NAV1: variants seen among roughly 807,000 people sequenced by gnomAD.
The protein encoded by NAV1 is neuron navigator 1.
A neutral mutation model predicts 175.2 loss-of-function variants in NAV1; 18 were observed. That is an observed-to-expected ratio of 0.10 (90% CI 0.07 to 0.15). The LOEUF (loss-of-function observed/expected upper bound fraction) is 0.15. NAV1 is among the 10% of genes least tolerant of loss of function. NAV1 has a pLI of 1.00. For missense variants in NAV1, 1,731 were observed against 2,436.6 expected (o/e 0.71, Z 6.10); for synonymous variants, 897 against 978.7 (o/e 0.92, Z 1.56).
intron 3 of NAV1, among the ~76,000 whole-genome samples, chr1:201,742,075 A>G (rs1021882239): frequency 6.6e-6 from 1 of 152,236 alleles, no homozygotes; most frequent in Non-Finnish European, 1.5e-5. Flanking sequence ...GTAGGCAAGG[A>G]GACAGGGGAT....
rs1247794778 is a variant in NAV1 at position 201,726,830 on chromosome 1, C to T, written c.1226+8075C>T. Among the ~76,000 whole-genome samples the T allele has an allele frequency of 2.0e-5, 3 of 152,292 alleles. No individual in the cohort carries two copies. In the East Asian group the frequency reaches 5.8e-4, roughly 29 times the overall value. On this transcript the variant is annotated intron_variant, in intron 3 of 29. Coordinates refer to ENST00000367296, the Ensembl canonical transcript of NAV1. ...TTAGGTTTCAAGGAATGCTTCACAA[C>T]ACGGTCTTGATATTCTTTTAATCCT...
chr1:201,675,048 A>AG (rs36052650), intron 1 of NAV1, among the ~76,000 whole-genome samples: 17 of 151,388 alleles, frequency 1.1e-4, no homozygotes, highest in Non-Finnish European at 2.2e-4. Context: ...AAAAAAAAAA[A>AG]GAACTCACTA....
chr1:201,629,183 C>G (rs1668417948), intron 1 of NAV1, among the ~76,000 whole-genome samples: 1 of 152,204 alleles, frequency 6.6e-6, no homozygotes, highest in Non-Finnish European at 1.5e-5. Context: ...TCCCAGTATC[C>G]TCTGGGGCTC....
chr1:201,817,135 G>A (rs1679089947), exon 29 of NAV1: 1 of 1,613,974 alleles, frequency 6.2e-7, no homozygotes, highest in African/African-American at 1.3e-5. Context: ...AATGGGTCCG[G>A]GACACACTTC....
chr1:201,669,897 T>A lies in NAV1; in HGVS notation c.757+20472T>A, dbSNP rs548225382. ...TGCACTGTGTTCCCTGAGCCCACAGTGAGGTTTCTGGTGACACCAGGATAA... is the reference window on the plus strand; with the variant it reads ...TGCACTGTGTTCCCTGAGCCCACAGAGAGGTTTCTGGTGACACCAGGATAA... On this transcript the variant is annotated intron_variant, in intron 1 of 29. Coordinates refer to ENST00000367296, the Ensembl canonical transcript of NAV1. 2.0e-5 allele frequency among the ~76,000 whole-genome samples: 3 copies of A among 151,896 alleles called. No homozygotes were observed. The East Asian group carries it at 5.8e-4, about 29-fold the overall frequency.
At chr1:201,743,363 C>CTGGGGAGTGGGA (rs1673557312) in intron 3 of NAV1, among the ~76,000 whole-genome samples, 1 of 152,216 alleles carries the variant, frequency 6.6e-6, no homozygotes, top group Non-Finnish European at 1.5e-5. Flanking sequence ...GCCACCCAAC[C>CTGGGGAGTGGGA]AGTGGGGAGT....
chr1:201,563,298 A>G (rs1433060818), intron 1 of NAV1, among the ~76,000 whole-genome samples: 1 of 151,898 alleles, frequency 6.6e-6, no homozygotes, highest in Non-Finnish European at 1.5e-5. Flanking sequence ...CCCAGCCTGG[A>G]TGGCAGAGGG....
chr1:201,591,275 C>T (rs964113087), intron 2 of NAV1, among the ~76,000 whole-genome samples: 5 of 152,178 alleles, frequency 3.3e-5, no homozygotes, highest in Admixed American at 3.3e-4. Flanking sequence ...GATGGGGTCA[C>T]CTGGGGGAGA....
intron 3 of NAV1, among the ~76,000 whole-genome samples, chr1:201,756,822 TTC>T (rs1553267191): frequency 1.2e-4 from 3 of 24,792 alleles, no homozygotes; most frequent in Non-Finnish European, 2.3e-4. Flanking sequence ...CTTTCTTTCT[TTC>T]TTTCTTTCTT....
intron 1 of NAV1, among the ~76,000 whole-genome samples, chr1:201,628,595 C>T (rs532222736): frequency 6.6e-6 from 1 of 152,168 alleles, no homozygotes; most frequent in Non-Finnish European, 1.5e-5. Flanking sequence ...ATTTCCCCTC[C>T]TGCCTGCACA....
At chr1:201,763,540 G>A (rs1674995280) in intron 3 of NAV1, among the ~76,000 whole-genome samples, 1 of 152,168 alleles carries the variant, frequency 6.6e-6, no homozygotes, top group Non-Finnish European at 1.5e-5. Flanking sequence ...CAGACAAAAA[G>A]GGAAATCTCT....
intron 1 of NAV1, among the ~76,000 whole-genome samples, chr1:201,561,777 C>T (rs1361069625): frequency 6.6e-6 from 1 of 152,178 alleles, no homozygotes; most frequent in East Asian, 1.9e-4. Flanking sequence ...CTGGGGCCTC[C>T]ATGAGATTAG....
chr1:201,578,612 T>C (rs564730), intron 1 of NAV1, among the ~76,000 whole-genome samples: 7,839 of 152,162 alleles, frequency 0.052, 487 homozygotes, highest in East Asian at 0.16. Context: ...GGATGGAACT[T>C]TGGGCTTGCT....
intron 1 of NAV1, among the ~76,000 whole-genome samples, chr1:201,549,289 C>G (rs1665774294): frequency 6.6e-6 from 1 of 151,902 alleles, no homozygotes; most frequent in Non-Finnish European, 1.5e-5. Flanking sequence ...CACATTGCAG[C>G]CTCAACCTCC....
chr1:201,571,558 G>A (rs916788073), intron 1 of NAV1, among the ~76,000 whole-genome samples: 3 of 152,334 alleles, frequency 2.0e-5, no homozygotes, highest in Admixed American at 6.5e-5. Context: ...AGACAAAGGG[G>A]ACCACAGAGT....
At chr1:201,615,865 T>C (rs1667988136) in intron 2 of NAV1, among the ~76,000 whole-genome samples, 1 of 152,210 alleles carries the variant, frequency 6.6e-6, no homozygotes, top group Non-Finnish European at 1.5e-5. Flanking sequence ...TGGACAATGT[T>C]GTTCCTGTTG....
chr1:201,730,013 C>T (rs552702921), intron 3 of NAV1, among the ~76,000 whole-genome samples: 1 of 152,202 alleles, frequency 6.6e-6, no homozygotes, highest in Non-Finnish European at 1.5e-5. Flanking sequence ...CTATAAAGGC[C>T]ATCATCTATG....
chr1:201,735,539 T>A (rs1673084164), intron 3 of NAV1, among the ~76,000 whole-genome samples: 1 of 152,192 alleles, frequency 6.6e-6, no homozygotes, highest in Admixed American at 6.5e-5. Flanking sequence ...GACACAGGCA[T>A]TGCTAATGGT....
In NAV1 at chr1:201,782,056, G is replaced by C; in HGVS notation, c.1664-120G>C. On this transcript the variant is annotated intron_variant, in intron 5 of 29. Coordinates refer to ENST00000367296, the Ensembl canonical transcript of NAV1. The surrounding 1 kb of genome is among the most constrained non-coding windows in gnomAD (Gnocchi z 5.4). ...CTTGTACCTGTTTACCCAAATTTAG[G>C]CCTCTAAAAGTCTACAATACATGGA... 1 of 827,842 alleles carries C rather than the reference G, an allele frequency of 1.2e-6. No homozygotes were observed. Among genetic ancestry groups the C allele is most frequent in the Admixed American group, 2.7e-5 (1 of 36,898 alleles). The allele number at this position is 827,842 out of a possible 1,614,324, so 51.3% of individuals were successfully genotyped here.
Sources: gnomAD v4.1 joint callset for allele counts (sites outside exome capture counted in the v4.1 genomes callset) on GRCh38, gnomAD v4.1.1 for gene constraint, Gnocchi (gnomAD v3.1) non-coding constraint, MANE v1.5 for transcripts, NCBI Gene and HGNC (gene_info 2026-07-23, HGNC 2026-07-21) for gene names.